Variants in ZBTB17 observed in about 807,000 individuals in gnomAD.
ZBTB17 encodes the protein zinc finger and BTB domain containing 17, also known as zinc finger and BTB domain-containing protein 17.
A neutral mutation model predicts 85.1 loss-of-function variants in ZBTB17; 24 were observed. That is an observed-to-expected ratio of 0.28 (90% confidence interval 0.20 to 0.40). ZBTB17 has a LOEUF of 0.40. Among genes scored for constraint, ZBTB17 ranks in the 10% least tolerant of loss-of-function variants. The pLI, the probability that ZBTB17 is intolerant of heterozygous loss-of-function variation, is 1.00. For synonymous variants in ZBTB17, 464 were observed against 460.2 expected (o/e 1.01, Z -0.11); for missense variants, 743 against 1,105.1 (o/e 0.67, Z 4.65).
Position 15,942,122 on chromosome 1 carries a change from G to A in ZBTB17, c.2259C>T (p.Phe753=). The change falls in exon 16 of 16, where the codon TTC becomes TTT. Residue 753 remains phenylalanine (F), a synonymous_variant. Coordinates refer to ENST00000375743, the MANE Select transcript of ZBTB17 (RefSeq NM_003443.3). ...ALVMFQTDAD[F]YQQYGPGGTW... The stretch of plus-strand genomic sequence containing the variant: ...TGCCACCTGGCCCATACTGCTGATA[G>A]AAGTCCGCGTCTGTCTGGAACATGA... The A allele has an allele frequency of 6.2e-7, 1 of 1,613,470 alleles. No homozygotes were observed. The highest frequency in any genetic ancestry group is 2.2e-5 in the East Asian group (1 of 44,880).
chr1:15,963,136 C>G (rs181185797), intron 2 of ZBTB17, among the ~76,000 whole-genome samples: 2 of 152,200 alleles, frequency 1.3e-5, no homozygotes, highest in East Asian at 3.9e-4. Context: ...AAGACTCACA[C>G]AATCCAGAAG....
At chr1:15,946,540 G>C (rs975115509) in intron 4 of ZBTB17, among the ~76,000 whole-genome samples, 1 of 152,246 alleles carries the variant, frequency 6.6e-6, no homozygotes, top group Non-Finnish European at 1.5e-5. Context: ...CCCCATGTGT[G>C]CACTAAGGGA....
intron 9 of ZBTB17, 24 bp downstream of exon 9, chr1:15,944,276 T>C: frequency 6.5e-7 from 1 of 1,549,096 alleles, no homozygotes; most frequent in Non-Finnish European, 8.7e-7. Context: ...TGCCAGGCGC[T>C]GGTTCCGGGA....
rs1263284735 is a variant in ZBTB17 at position 15,946,938 on chromosome 1, C to T, written c.391G>A (p.Glu131Lys). 1.2e-6 allele frequency: 2 copies of T among 1,607,554 alleles called. No individual in the cohort carries two copies. The change falls in exon 4 of 16, where the codon GAA becomes AAA. Residue 131 changes from glutamate (E) to lysine (K), a missense_variant. By Grantham distance (56) the Glu-to-Lys change is moderately conservative (BLOSUM62 1). Coordinates refer to ENST00000375743, the MANE Select transcript of ZBTB17 (RefSeq NM_003443.3). ...GGAGCAGCTGCCAATAACCTACCTT[C>T]TGTGGCCAAGGCCTCCGCATTTCCC... ...PGGNAEALAT[E>K]GGDKRAKEEK...
intron 2 of ZBTB17, among the ~76,000 whole-genome samples, chr1:15,963,892 G>A (rs2072346022): frequency 6.6e-6 from 1 of 151,888 alleles, no homozygotes; most frequent in South Asian, 2.1e-4. Flanking sequence ...GAGTGCTTGA[G>A]CCCAGGAGTT....
Position 15,943,620 on chromosome 1 carries a change from G to C in ZBTB17, c.1555C>G (p.Arg519Gly). ...CCACCTGTGTGAATGCGGACGTGCC[G>C]CTGCAGAGCGCCGGGGTCTGCAAAC... is the stretch of plus-strand genomic sequence containing the variant. ...RQFADPGALQ[R>G]HVRIHTGEKP... is the part of the protein sequence containing the mutation. The change falls in exon 11 of 16, where the codon CGG becomes GGG. Residue 519 changes from arginine to glycine, a missense_variant. By Grantham distance (125) the Arg-to-Gly change is moderately radical. Around this residue, in one of 4 missense-constraint regions of ZBTB17, gnomAD observed 321 missense variants for 615.7 expected, o/e 0.52. Coordinates refer to ENST00000375743, the MANE Select transcript of ZBTB17 (RefSeq NM_003443.3). The C allele has an allele frequency of 6.2e-7, 1 of 1,612,774 alleles. No homozygotes were observed. Among genetic ancestry groups the C allele is most frequent in the Non-Finnish European group, 8.5e-7 (1 of 1,179,944 alleles).
chr1:15,945,003 C>T lies in ZBTB17; in HGVS notation c.861G>A (p.Leu287=), dbSNP rs761069507. 9.4e-6 allele frequency: 15 copies of T among 1,594,454 alleles called. No homozygotes were observed. Among genetic ancestry groups the T allele is most frequent in the Non-Finnish European group, 1.3e-5 (15 of 1,172,786 alleles). Residue 287 remains leucine (L), a synonymous_variant, in exon 7 of 16, where the codon CTG becomes CTA. Coordinates refer to ENST00000375743, the MANE Select transcript of ZBTB17 (RefSeq NM_003443.3). ...TGCGGTCGCCGTAGGTGCCTGAGCG[C>T]AGGCCCCGGGCCTCGGAGCCGAGCT... is the stretch of plus-strand genomic sequence containing the variant. The part of the protein sequence containing the change: ...GQELGSEARG[L]RSGTYGDRTE...
intron 9 of ZBTB17, 85 bp from the exon 10 acceptor site, chr1:15,943,980 T>C (rs748407949): frequency 7.5e-7 from 1 of 1,333,294 alleles, no homozygotes; most frequent in South Asian, 1.3e-5. Flanking sequence ...AAGGAACAAT[T>C]GACTCTCAGG....
chr1:15,970,691 G>A (rs1380326658), intron 2 of ZBTB17, among the ~76,000 whole-genome samples: 3 of 152,310 alleles, frequency 2.0e-5, no homozygotes, highest in Middle Eastern at 6.8e-3. Context: ...TGGGATTACA[G>A]GCGCCTGCCA....
At position 15,944,497 on chromosome 1, in the gene ZBTB17, A is replaced by T; in HGVS notation, c.1174T>A (p.Cys392Ser). 6.3e-7 allele frequency: 1 copy of T among 1,581,662 alleles called. No homozygotes were observed. The change falls in exon 9 of 16, where the codon TGC becomes AGC. Residue 392 changes from cysteine to serine, a missense_variant. Cys to Ser is a moderately radical substitution (Grantham distance 112). Transcript: ENST00000375743. ...GTGAAGAGCTTGCCGCAGTCCTCGC[A>T]GCGGTAGCGCGCCTCGCCCGAGTGC... ...KRHSGEARYR[C>S]EDCGKLFTTS...
Position 15,952,443 on chromosome 1 carries a change from G to A in ZBTB17, c.-2-3946C>T, listed in dbSNP as rs1350954131. Reference sequence around the variant, plus strand: ...GGAACAGACGCGGCAGAACCGACACGGCGGAACGGACGCGGATGATGCAGA... The same window carrying A: ...GGAACAGACGCGGCAGAACCGACACAGCGGAACGGACGCGGATGATGCAGA... On this transcript the variant is annotated intron_variant, in intron 2 of 15. Transcript: ENST00000375743. This position sits in a 1 kb window ranked among gnomAD's most constrained non-coding sequence, Gnocchi z 4.3. Among the ~76,000 whole-genome samples, 7 of 152,230 alleles carry A rather than the reference G, an allele frequency of 4.6e-5. No individual in the cohort carries two copies. The highest frequency in any genetic ancestry group is 8.8e-5 in the Non-Finnish European group (6 of 68,040).
At chr1:15,975,718 T>A (rs1404503886) in intron 1 of ZBTB17, among the ~76,000 whole-genome samples, 1 of 152,020 alleles carries the variant, frequency 6.6e-6, no homozygotes, top group Non-Finnish European at 1.5e-5. Flanking sequence ...TGGGGTGTCA[T>A]CCAGCCCGGG....
Position 15,944,949 on chromosome 1 carries a change from G to A in ZBTB17, c.915C>T (p.Ile305=). The change falls in exon 7 of 16, where the codon ATC becomes ATT. Residue 305 remains isoleucine (I), a synonymous_variant. Transcript: ENST00000375743. ...RTESKAYGSV[I]HKCEDCGKEF... ...TAGTCTCCCTCACCTCGCACTTGTG[G>A]ATGACGGAGCCGTAGGCCTTGGACT... 1 of 1,578,022 alleles carries A rather than the reference G, an allele frequency of 6.3e-7. No individual in the cohort carries two copies. The highest frequency in any genetic ancestry group is 8.6e-7 in the Non-Finnish European group (1 of 1,164,672).
Position 15,943,984 on chromosome 1 carries a change from T to A in ZBTB17, c.1372-89A>T, listed in dbSNP as rs1413144253. The A allele has an allele frequency of 2.3e-6, 3 of 1,314,142 alleles. No individual in the cohort carries two copies. In the Admixed American group the frequency reaches 5.9e-5, roughly 26 times the overall value. 81.4% of individuals were successfully genotyped at this position (1,314,142 alleles called of 1,614,324 possible). ...CCCCTCCCACAAAGGAACAATTGAC[T>A]CTCAGGCTTGCCAGGGTCCGTGAAG... On this transcript the variant is annotated intron_variant, in intron 9 of 15. Coordinates refer to ENST00000375743, the MANE Select transcript of ZBTB17 (RefSeq NM_003443.3).
chr1:15,967,500 G>A (rs567612163), intron 2 of ZBTB17, among the ~76,000 whole-genome samples: 47 of 151,658 alleles, frequency 3.1e-4, no homozygotes, highest in Non-Finnish European at 5.9e-4. Flanking sequence ...GCAACACGGC[G>A]AGATTCTGTC....
chr1:15,971,481 TATACACACACTATATATATATACAC>T (rs2072669075), intron 2 of ZBTB17, among the ~76,000 whole-genome samples: 5 of 123,124 alleles, frequency 4.1e-5, no homozygotes, highest in Admixed American at 2.5e-4. Context: ...ACACTATATA[TATACACACACTATATATATATACAC>T]ACACACTATA....
rs146852280 is a variant in ZBTB17 at position 15,951,773 on chromosome 1, G to T, written c.-2-3276C>A. ...GAACCCAGCAGGACGGCCAGGCTTG[G>T]AGGGACATAGGAAAAGGGTTTGGGA... On this transcript the variant is annotated intron_variant, in intron 2 of 15. Coordinates refer to ENST00000375743, the MANE Select transcript of ZBTB17 (RefSeq NM_003443.3). This position sits in a 1 kb window ranked among gnomAD's most constrained non-coding sequence, Gnocchi z 4.1. Among the ~76,000 whole-genome samples, 16 of 152,242 alleles carry T rather than the reference G, an allele frequency of 1.1e-4. No individual in the cohort carries two copies. The highest frequency in any genetic ancestry group is 3.6e-4 in the African/African-American group (15 of 41,538).
chr1:15,944,791 G>T lies in ZBTB17; in HGVS notation c.976C>A (p.Arg326Ser). The change falls in exon 8 of 16, where the codon CGC becomes AGC. Residue 326 changes from arginine (R) to serine (S), a missense_variant. Physicochemically the swap from Arg to Ser is moderately radical, Grantham distance 110 (BLOSUM62 -1). Around this residue, in one of 4 missense-constraint regions of ZBTB17, gnomAD observed 321 missense variants for 615.7 expected, o/e 0.52. Coordinates refer to ENST00000375743, the MANE Select transcript of ZBTB17 (RefSeq NM_003443.3). ...AAGGGCTTCTCCCCCGTGTGGATGC[G>T]GATGTGCCGCTTGAAGTTCCCCGTG... ...THTGNFKRHI[R>S]IHTGEKPFSC... The T allele has an allele frequency of 6.2e-7, 1 of 1,611,844 alleles. No homozygotes were observed.
chr1:15,970,437 G>C (rs1317933793), intron 2 of ZBTB17, among the ~76,000 whole-genome samples: 1 of 151,432 alleles, frequency 6.6e-6, no homozygotes, highest in East Asian at 1.9e-4. Context: ...TGTCACCTAA[G>C]CTAGAATGCA....
Sources: gnomAD v4.1 joint callset for allele counts (sites outside exome capture counted in the v4.1 genomes callset) on GRCh38, gnomAD v4.1.1 for gene constraint, gnomAD v4.1.1 regional missense constraint, Gnocchi (gnomAD v3.1) non-coding constraint, MANE v1.5 for transcripts, NCBI Gene and HGNC (gene_info 2026-07-23, HGNC 2026-07-21) for gene names.